ARHGAP24: variants seen among roughly 807,000 people sequenced by gnomAD.
The protein encoded by ARHGAP24 is rho GTPase-activating protein 24.
A neutral mutation model predicts 76.4 loss-of-function variants in ARHGAP24; 50 were observed. That is an observed-to-expected ratio of 0.65 (90% CI 0.52 to 0.83). ARHGAP24 has a LOEUF of 0.83. ARHGAP24 is among the 40% of genes least tolerant of loss of function. The probability of loss-of-function intolerance (pLI) is 0.00; values close to 1 mark genes in which losing one functional copy is unlikely to be tolerated. For synonymous variants in ARHGAP24, 345 were observed against 323.3 expected (o/e 1.07, Z -0.72); for missense variants, 930 against 914.2 (o/e 1.02, Z -0.22).
chr4:85,931,061 C>T, intron 4 of ARHGAP24: 2 of 1,604,600 alleles, frequency 1.2e-6, no homozygotes, highest in Middle Eastern at 1.7e-4. Context: ...ATAATATGTT[C>T]ATGTCCTTTT....
At chr4:85,777,735 A>G (rs1343049571) in intron 3 of ARHGAP24, among the ~76,000 whole-genome samples, 1 of 151,796 alleles carries the variant, frequency 6.6e-6, no homozygotes, top group African/African-American at 2.4e-5. Flanking sequence ...CGTGGGAGGG[A>G]TGAGATAGAT....
chr4:86,001,864 GAGA>G lies in ARHGAP24; in HGVS notation c.*1145_*1147del, dbSNP rs1485865643. 1.9e-5 allele frequency: 3 copies of G among 158,850 alleles called. No homozygotes were observed. The highest frequency in any genetic ancestry group is 2.8e-5 in the Non-Finnish European group (2 of 72,692). 9.8% of individuals were successfully genotyped at this position (158,850 alleles called of 1,614,324 possible). A position where few individuals can be genotyped will look rare whatever the true frequency, so the allele number is the denominator to read the frequency against. On this transcript the variant is annotated 3_prime_UTR_variant, in exon 10 of 10. Coordinates refer to ENST00000395184, the MANE Select transcript of ARHGAP24 (RefSeq NM_001025616.3). The stretch of plus-strand genomic sequence containing the variant: ...ATAGTGGGAGGGGGCCAGGCTGCAG[GAGA>G]AGGAGAAAAGTTTAGAAGAAACAAA...
In ARHGAP24 at chr4:85,534,114, G is replaced by A. The variant is rs563246136; in HGVS notation, c.-20-36408G>A. On this transcript the variant is annotated intron_variant, in intron 1 of 9. Coordinates refer to ENST00000395184, the MANE Select transcript of ARHGAP24 (RefSeq NM_001025616.3). ...GCTGGTGAAGCAGCTAACACTAGAA[G>A]GGAGGCTATCACAGAGGAGATGGCT... Among the ~76,000 whole-genome samples the A allele has an allele frequency of 7.3e-4, 111 of 152,248 alleles. 1 individual carries two copies. The South Asian group carries it at 0.022, about 31-fold the overall frequency.
chr4:85,482,547 C>T (rs1271609540), intron 1 of ARHGAP24, among the ~76,000 whole-genome samples: 2 of 151,948 alleles, frequency 1.3e-5, no homozygotes, highest in African/African-American at 4.8e-5. Context: ...GGGGGAGGGG[C>T]AGAAGCAAGG....
rs1286516744 is a variant in ARHGAP24, at chr4:85,942,129, C to T, written c.455C>T (p.Ala152Val). Residue 152 changes from alanine to valine, a missense_variant, in exon 5 of 10, where the codon GCT becomes GTT. Physicochemically the swap from Ala to Val is moderately conservative, Grantham distance 64. Coordinates refer to ENST00000395184, the MANE Select transcript of ARHGAP24 (RefSeq NM_001025616.3). ...GAGAAGAGATATGGGAACCGTCTGG[C>T]TCCGATGTTGGTGGAGCAGTGCGTG... Reference protein sequence around the residue: ...RYEKRYGNRLAPMLVEQCVDF... With the variant: ...RYEKRYGNRLVPMLVEQCVDF... 6 of 1,613,860 alleles carry T rather than the reference C, an allele frequency of 3.7e-6. No individual in the cohort carries two copies. The highest frequency in any genetic ancestry group is 1.7e-5 in the Admixed American group (1 of 59,994).
intron 2 of ARHGAP24, among the ~76,000 whole-genome samples, chr4:85,621,584 A>T (rs1012623907): frequency 5.3e-5 from 8 of 152,022 alleles, no homozygotes; most frequent in African/African-American, 1.7e-4. Flanking sequence ...GTGTCTGTTC[A>T]CATCCTTTGC....
At chr4:85,839,182 TA>T (rs1168298580) in intron 3 of ARHGAP24, among the ~76,000 whole-genome samples, 1 of 152,258 alleles carries the variant, frequency 6.6e-6, no homozygotes, top group Non-Finnish European at 1.5e-5. Context: ...AATAATTGTA[TA>T]AATTATTTTA....
intron 2 of ARHGAP24, among the ~76,000 whole-genome samples, chr4:85,687,940 T>C (rs1277791607): frequency 6.6e-6 from 1 of 151,918 alleles, no homozygotes; most frequent in Non-Finnish European, 1.5e-5. Flanking sequence ...GCCTCCTGAG[T>C]AGTTGGGATT....
At position 85,849,791 on chromosome 4, in the gene ARHGAP24, G is replaced by C. The variant is rs562450781; in HGVS notation, c.269-73857G>C. On this transcript the variant is annotated intron_variant, in intron 3 of 9. Transcript: ENST00000395184. ...GTTGAACCATCCTTGCATCCCAGGG[G>C]TGAAGCCCACTTGATCTTGGTGGAG... is the stretch of plus-strand genomic sequence containing the variant. Among the ~76,000 whole-genome samples, 265 of 152,218 alleles carry C rather than the reference G, an allele frequency of 1.7e-3. 1 individual carries two copies. Among genetic ancestry groups the C allele is most frequent in the Middle Eastern group, 6.8e-3 (2 of 294 alleles).
intron 1 of ARHGAP24, among the ~76,000 whole-genome samples, chr4:85,532,679 T>C (rs912329914): frequency 6.6e-6 from 1 of 152,166 alleles, no homozygotes. Flanking sequence ...GCAGTTATCA[T>C]CTGACAATAG....
At chr4:85,920,747 T>C (rs569479962) in intron 3 of ARHGAP24, among the ~76,000 whole-genome samples, 1 of 152,266 alleles carries the variant, frequency 6.6e-6, no homozygotes, top group African/African-American at 2.4e-5. Flanking sequence ...AAGACATACA[T>C]GTGGCAAACA....
chr4:85,600,434 G>C (rs1719993390), intron 2 of ARHGAP24, among the ~76,000 whole-genome samples: 1 of 152,198 alleles, frequency 6.6e-6, no homozygotes. Flanking sequence ...GAGCATGAAA[G>C]GAGCAGGAAT....
Position 85,994,726 on chromosome 4 carries a change from T to C in ARHGAP24, c.1072T>C (p.Leu358=). The C allele has an allele frequency of 6.8e-6, 11 of 1,613,996 alleles. No individual in the cohort carries two copies. The highest frequency in any genetic ancestry group is 1.1e-5 in the South Asian group (1 of 91,064). ...EIQKKATMGQ[L]QNKENNNTKD... ...TCAGAAGAAAGCCACCATGGGGCAG[T>C]TACAGAACAAGGAGAACAATAACAC... is the stretch of plus-strand genomic sequence containing the variant. The change falls in exon 9 of 10, where the codon TTA becomes CTA. Residue 358 remains leucine, a synonymous_variant. Coordinates refer to ENST00000395184, the MANE Select transcript of ARHGAP24 (RefSeq NM_001025616.3).
chr4:85,602,240 G>T (rs569119592), intron 2 of ARHGAP24, among the ~76,000 whole-genome samples: 1 of 152,264 alleles, frequency 6.6e-6, no homozygotes, highest in South Asian at 2.1e-4. Context: ...CATATCTCAC[G>T]TAATTTCCCA....
At chr4:85,602,600 C>T (rs1490798143) in intron 2 of ARHGAP24, among the ~76,000 whole-genome samples, 2 of 152,012 alleles carry the variant, frequency 1.3e-5, no homozygotes, top group African/African-American at 4.8e-5. Context: ...ATATATTAGT[C>T]TATATTCAAA....
intron 2 of ARHGAP24, among the ~76,000 whole-genome samples, chr4:85,709,285 T>C (rs1253455361): frequency 6.6e-6 from 1 of 152,144 alleles, no homozygotes; most frequent in Non-Finnish European, 1.5e-5. Flanking sequence ...TATATAGATA[T>C]AGTATCTGCT....
intron 2 of ARHGAP24, among the ~76,000 whole-genome samples, chr4:85,586,879 C>A (rs1262827633): frequency 6.6e-6 from 1 of 152,016 alleles, no homozygotes; most frequent in Non-Finnish European, 1.5e-5. Context: ...GCCTGGGCAA[C>A]AGAGCAAGAC....
rs183655217 is a variant in ARHGAP24 at position 85,487,294 on chromosome 4, T to C, written c.-21+11735T>C. 3.9e-3 allele frequency among the ~76,000 whole-genome samples: 477 copies of C among 122,014 alleles called. 3 individuals are homozygous for C. The highest frequency in any genetic ancestry group is 0.014 in the African/African-American group (449 of 31,086). 80.0% of individuals were successfully genotyped at this position (122,014 alleles called of 152,430 possible). ...ATATATTTATTTTATATATAGTAAA[T>C]ATATATATTTATTATATATAAAATA... On this transcript the variant is annotated intron_variant, in intron 1 of 9. Coordinates refer to ENST00000395184, the MANE Select transcript of ARHGAP24 (RefSeq NM_001025616.3).
intron 3 of ARHGAP24, among the ~76,000 whole-genome samples, chr4:85,827,010 C>T (rs928407716): frequency 6.6e-6 from 1 of 152,120 alleles, no homozygotes; most frequent in South Asian, 2.1e-4. Flanking sequence ...GAAATAAAAA[C>T]TTAGACTCTA....
Sources: gnomAD v4.1 joint callset for allele counts (sites outside exome capture counted in the v4.1 genomes callset) on GRCh38, gnomAD v4.1.1 for gene constraint, MANE v1.5 for transcripts, NCBI Gene and HGNC (gene_info 2026-07-23, HGNC 2026-07-21) for gene names.